The following QTMAN variants were observed in gnomAD, a reference collection of about 807,000 sequenced individuals.
QTMAN encodes the protein queuosine-tRNA mannosyltransferase.
the QTMAN span, among the ~76,000 whole-genome samples, chr2:144,051,782 A>G: frequency 6.6e-6 from 1 of 152,156 alleles, no homozygotes; most frequent in Non-Finnish European, 1.5e-5. Context: ...GATCTGAACG[A>G]AACTACAAGA....
the QTMAN span, among the ~76,000 whole-genome samples, chr2:144,189,304 T>C: frequency 6.6e-6 from 1 of 152,108 alleles, no homozygotes; most frequent in Non-Finnish European, 1.5e-5. Flanking sequence ...AGTATTTAAA[T>C]ATAAATACTG....
the QTMAN span, among the ~76,000 whole-genome samples, chr2:144,210,278 C>T: frequency 6.6e-6 from 1 of 152,050 alleles, no homozygotes; most frequent in Non-Finnish European, 1.5e-5. Flanking sequence ...CAGTACTAAC[C>T]TCAGACATGT....
the QTMAN span, chr2:144,007,476 C>T: frequency 3.1e-6 from 5 of 1,611,338 alleles, no homozygotes; most frequent in Middle Eastern, 1.7e-4. Flanking sequence ...AACCGCACCG[C>T]CATTTCCTTT....
At chr2:144,219,090 A>G in the QTMAN span, among the ~76,000 whole-genome samples, 3 of 152,138 alleles carry the variant, frequency 2.0e-5, no homozygotes, top group African/African-American at 7.2e-5. Flanking sequence ...TTCATTTTAT[A>G]TCAGTGAAAA....
chr2:144,017,166 A>G, the QTMAN span, among the ~76,000 whole-genome samples: 1 of 151,868 alleles, frequency 6.6e-6, no homozygotes, highest in Non-Finnish European at 1.5e-5. Flanking sequence ...CACCACGTCC[A>G]GCTAATTTTT....
chr2:144,331,691 G>A, the QTMAN span, among the ~76,000 whole-genome samples: 1 of 152,138 alleles, frequency 6.6e-6, no homozygotes, highest in African/African-American at 2.4e-5. Flanking sequence ...GTTAAATTTC[G>A]CTGCTGCATT....
the QTMAN span, among the ~76,000 whole-genome samples, chr2:144,096,890 T>C: frequency 6.6e-6 from 1 of 152,250 alleles, no homozygotes; most frequent in African/African-American, 2.4e-5. Flanking sequence ...GTTGGACTTA[T>C]TGTCAGCCAA....
the QTMAN span, among the ~76,000 whole-genome samples, chr2:143,971,055 T>C: frequency 1.3e-5 from 2 of 152,100 alleles, no homozygotes; most frequent in Non-Finnish European, 2.9e-5. Context: ...ACAGAAAGTA[T>C]AGTGTATTTA....
At chr2:144,185,453 G>A in the QTMAN span, among the ~76,000 whole-genome samples, 8 of 152,126 alleles carry the variant, frequency 5.3e-5, no homozygotes, top group African/African-American at 1.9e-4. Flanking sequence ...GTTCTCTAAC[G>A]TTCCATTGGA....
chr2:144,293,018 G>C, the QTMAN span, among the ~76,000 whole-genome samples: 1 of 152,168 alleles, frequency 6.6e-6, no homozygotes, highest in East Asian at 1.9e-4. Context: ...AATAATATTT[G>C]ATCACTTCTG....
At chr2:144,093,172 G>T in the QTMAN span, among the ~76,000 whole-genome samples, 1 of 152,120 alleles carries the variant, frequency 6.6e-6, no homozygotes, top group African/African-American at 2.4e-5. Context: ...TTTCAGAGAT[G>T]ATTTTTATCT....
the QTMAN span, among the ~76,000 whole-genome samples, chr2:144,097,851 T>C: frequency 6.6e-6 from 1 of 152,226 alleles, no homozygotes; most frequent in Non-Finnish European, 1.5e-5. Flanking sequence ...TCCTCATCTT[T>C]TCCTTCAATT....
chr2:144,161,402 C>T, the QTMAN span, among the ~76,000 whole-genome samples: 1 of 152,016 alleles, frequency 6.6e-6, no homozygotes, highest in South Asian at 2.1e-4. Flanking sequence ...CACATAGAAG[C>T]CAGAGAGGAA....
At chr2:144,064,913 C>T in the QTMAN span, among the ~76,000 whole-genome samples, 137 of 151,940 alleles carry the variant, frequency 9.0e-4, no homozygotes, top group Non-Finnish European at 1.5e-3. Flanking sequence ...AAATGGGAGC[C>T]CAGAATAGAT....
At chr2:144,123,993 T>C in the QTMAN span, among the ~76,000 whole-genome samples, 10 of 152,212 alleles carry the variant, frequency 6.6e-5, no homozygotes, top group African/African-American at 2.4e-4. Context: ...TAAAACATTG[T>C]TTTCTAGTCA....
At chr2:144,003,420 TAA>T in the QTMAN span, among the ~76,000 whole-genome samples, 2 of 142,794 alleles carry the variant, frequency 1.4e-5, no homozygotes, top group African/African-American at 2.6e-5. Context: ...AGAAAATAGT[TAA>T]AAAAAAAAAA....
At chr2:144,206,391 G>C in the QTMAN span, among the ~76,000 whole-genome samples, 17 of 152,126 alleles carry the variant, frequency 1.1e-4, no homozygotes, top group Admixed American at 3.3e-4. Flanking sequence ...CTTCAATCTA[G>C]GATTGAATGC....
the QTMAN span, among the ~76,000 whole-genome samples, chr2:144,111,911 C>T: frequency 6.6e-6 from 1 of 152,178 alleles, no homozygotes; most frequent in Admixed American, 6.5e-5. Context: ...TGATGGATAT[C>T]TTCTAAACTA....
At chr2:143,993,717 T>C in the QTMAN span, among the ~76,000 whole-genome samples, 20 of 152,270 alleles carry the variant, frequency 1.3e-4, no homozygotes, top group East Asian at 3.3e-3. Context: ...CCTCCAGAAC[T>C]GTAAGAGAAC....
Sources: gnomAD v4.1 joint callset for allele counts (sites outside exome capture counted in the v4.1 genomes callset) on GRCh38, gnomAD v4.1.1 for gene constraint, MANE v1.5 for transcripts, NCBI Gene and HGNC (gene_info 2026-07-23, HGNC 2026-07-21) for gene names.